Variants in MPPED2 observed in about 807,000 individuals in gnomAD.
The protein encoded by MPPED2 is metallophosphoesterase domain containing 2, also known as metallophosphoesterase MPPED2.
A neutral mutation model predicts 33.0 loss-of-function variants in MPPED2; 5 were observed. The observed-to-expected ratio is 0.15, with a 90% CI of 0.08 to 0.32. MPPED2 has a LOEUF of 0.32. MPPED2 is among the 10% of genes least tolerant of loss of function. The pLI is 1.00. For synonymous variants in MPPED2, 136 were observed against 141.9 expected (o/e 0.96, Z 0.29); for missense variants, 275 against 372.1 (o/e 0.74, Z 2.15).
chr11:30,408,997 C>A (rs982944989), downstream of MPPED2, among the ~76,000 whole-genome samples: 5 of 152,330 alleles, frequency 3.3e-5, no homozygotes, highest in Middle Eastern at 3.4e-3. Context: ...CTGAAGAAAG[C>A]TTTATCCACA....
At chr11:30,509,298 T>C (rs1029376857) in intron 3 of MPPED2, among the ~76,000 whole-genome samples, 2 of 152,172 alleles carry the variant, frequency 1.3e-5, no homozygotes, top group Non-Finnish European at 1.5e-5. Flanking sequence ...AAATGAACTA[T>C]ATACATGACA....
intron 4 of MPPED2, among the ~76,000 whole-genome samples, chr11:30,487,596 T>G (rs991999425): frequency 2.6e-5 from 4 of 152,016 alleles, no homozygotes; most frequent in African/African-American, 7.3e-5. Flanking sequence ...TCCTCCTGCC[T>G]CAACCTCCCA....
At chr11:30,390,955 T>C (rs1947765681) in intron 6 of MPPED2, among the ~76,000 whole-genome samples, 1 of 152,076 alleles carries the variant, frequency 6.6e-6, no homozygotes, top group South Asian at 2.1e-4. Flanking sequence ...TCAAAGCAAG[T>C]CACACCACCA....
At chr11:30,386,073 G>A (rs1947699364) in exon 7 of MPPED2, 1 of 152,176 alleles carries the variant, frequency 6.6e-6, no homozygotes, top group African/African-American at 2.4e-5. Flanking sequence ...AGGAATATCT[G>A]AGGCTGGGAA....
At chr11:30,409,398 A>C (rs563327390), downstream of MPPED2, among the ~76,000 whole-genome samples, 7 of 152,322 alleles carry the variant, frequency 4.6e-5, no homozygotes, top group African/African-American at 1.7e-4. Context: ...TGGGAAGCCC[A>C]TGGGAAGCTC....
intron 4 of MPPED2, among the ~76,000 whole-genome samples, chr11:30,432,280 G>C (rs1257327231): frequency 6.6e-6 from 1 of 152,026 alleles, no homozygotes; most frequent in Non-Finnish European, 1.5e-5. Context: ...TGAATTCAAG[G>C]AATCTTGAAA....
intron 4 of MPPED2, among the ~76,000 whole-genome samples, chr11:30,464,183 C>T (rs901699575): frequency 1.3e-5 from 2 of 151,328 alleles, no homozygotes; most frequent in Non-Finnish European, 2.9e-5. Context: ...GGTTATCAGA[C>T]TTGGATCTCA....
chr11:30,561,612 G>A (rs796656438), intron 2 of MPPED2, among the ~76,000 whole-genome samples: 8 of 152,260 alleles, frequency 5.3e-5, no homozygotes, highest in South Asian at 4.1e-4. Flanking sequence ...TAGCTAGATC[G>A]TAGCAACCTA....
intron 4 of MPPED2, among the ~76,000 whole-genome samples, chr11:30,464,629 C>T (rs1158242122): frequency 1.3e-5 from 2 of 152,142 alleles, no homozygotes; most frequent in Non-Finnish European, 2.9e-5. Flanking sequence ...TGGGCAGAAA[C>T]CTGCTAAGTT....
chr11:30,390,564 C>T (rs945305387), intron 6 of MPPED2, among the ~76,000 whole-genome samples: 2 of 152,210 alleles, frequency 1.3e-5, no homozygotes, highest in South Asian at 4.1e-4. Context: ...GTGGCAGGCG[C>T]TGAAATATGT....
downstream of MPPED2, among the ~76,000 whole-genome samples, chr11:30,407,857 C>T (rs183137928): frequency 2.0e-3 from 307 of 151,682 alleles, no homozygotes; most frequent in African/African-American, 6.9e-3. Context: ...GGTGGCAAAG[C>T]GAGACTCTGT....
At chr11:30,423,862 A>G (rs1197213882) in intron 4 of MPPED2, among the ~76,000 whole-genome samples, 2 of 152,180 alleles carry the variant, frequency 1.3e-5, no homozygotes, top group African/African-American at 2.4e-5. Flanking sequence ...GAATTTCCCA[A>G]GCCATGGTCC....
At chr11:30,562,906 A>C (rs1956294495) in intron 2 of MPPED2, among the ~76,000 whole-genome samples, 1 of 152,004 alleles carries the variant, frequency 6.6e-6, no homozygotes, top group Admixed American at 6.5e-5. Context: ...CTCTGTAAAC[A>C]GGCAAGACAC....
At chr11:30,511,175 T>C (rs921806368) in intron 3 of MPPED2, among the ~76,000 whole-genome samples, 1 of 152,124 alleles carries the variant, frequency 6.6e-6, no homozygotes, top group Non-Finnish European at 1.5e-5. Flanking sequence ...GATTTGATAA[T>C]GAAATAGGGC....
chr11:30,456,918 T>A (rs1565086109), intron 4 of MPPED2, among the ~76,000 whole-genome samples: 1 of 152,194 alleles, frequency 6.6e-6, no homozygotes, highest in Non-Finnish European at 1.5e-5. Flanking sequence ...TGGTTTGGAA[T>A]GACAAATACT....
intron 2 of MPPED2, among the ~76,000 whole-genome samples, chr11:30,578,054 A>G (rs1197208443): frequency 6.6e-6 from 1 of 152,172 alleles, no homozygotes; most frequent in Non-Finnish European, 1.5e-5. Context: ...TAAGAAAAAT[A>G]ATAATGGAGG....
At chr11:30,576,880 T>TAA (rs879918300) in intron 2 of MPPED2, among the ~76,000 whole-genome samples, 6 of 142,900 alleles carry the variant, frequency 4.2e-5, no homozygotes, top group African/African-American at 1.3e-4. Context: ...GATTGCTTTC[T>TAA]AAAAAAAAAA....
chr11:30,565,680 G>C (rs1956413855), intron 2 of MPPED2, among the ~76,000 whole-genome samples: 1 of 152,100 alleles, frequency 6.6e-6, no homozygotes, highest in African/African-American at 2.4e-5. Flanking sequence ...AAAACTTCCT[G>C]CCCCAAAAGT....
intron 2 of MPPED2, among the ~76,000 whole-genome samples, chr11:30,559,467 A>T (rs138733582): frequency 1.4e-4 from 21 of 152,346 alleles, no homozygotes; most frequent in Admixed American, 5.2e-4. Context: ...AATTTATTGC[A>T]TGAACATGCT....
Sources: allele counts gnomAD v4.1 joint callset (sites outside exome capture counted in the v4.1 genomes callset), GRCh38; gene constraint gnomAD v4.1.1; transcripts MANE v1.5; gene names NCBI Gene and HGNC (gene_info 2026-07-23, HGNC 2026-07-21).